The following ITGB5 variants were observed in gnomAD, a reference collection of about 807,000 sequenced individuals.
ITGB5 encodes integrin subunit beta 5, also known as integrin beta-5.
A neutral mutation model predicts 84.8 loss-of-function variants in ITGB5; 38 were observed. The ratio of observed to expected loss-of-function variants is 0.45; its 90% CI spans 0.35 to 0.59. ITGB5 has a LOEUF of 0.59. Ranked by LOEUF, ITGB5 falls within the 20% of genes least tolerant of loss-of-function variation. The pLI, the probability that ITGB5 is intolerant of heterozygous loss-of-function variation, is 0.01. For missense variants in ITGB5, 905 were observed against 1,034.5 expected (o/e 0.87, Z 1.72); for synonymous variants, 393 against 414.4 (o/e 0.95, Z 0.63).
At chr3:124,827,996 C>T (rs1473135798) in intron 5 of ITGB5, among the ~76,000 whole-genome samples, 3 of 152,160 alleles carry the variant, frequency 2.0e-5, no homozygotes, top group East Asian at 1.9e-4. Context: ...ACGCCCCCGC[C>T]GCCAGCTCCC....
intron 10 of ITGB5, among the ~76,000 whole-genome samples, chr3:124,782,463 C>G (rs1299584340): frequency 6.6e-6 from 1 of 152,206 alleles, no homozygotes; most frequent in Admixed American, 6.5e-5. Context: ...CATGGGAAGA[C>G]TATTTTAGTG....
intron 1 of ITGB5, among the ~76,000 whole-genome samples, chr3:124,898,643 C>CAAAAAAAAA (rs68025034): frequency 0.036 from 1,049 of 29,278 alleles, 252 homozygotes; most frequent in Middle Eastern, 0.21. Context: ...GACTCCGTCT[C>CAAAAAAAAA]AAAAAAAAAA....
chr3:124,776,683 C>G (rs563277183), intron 10 of ITGB5, among the ~76,000 whole-genome samples: 5 of 152,224 alleles, frequency 3.3e-5, no homozygotes, highest in African/African-American at 1.2e-4. Flanking sequence ...GTCCATCACA[C>G]GATCCCCACA....
intron 10 of ITGB5, among the ~76,000 whole-genome samples, chr3:124,795,955 A>G (rs1255267630): frequency 6.6e-6 from 1 of 152,232 alleles, no homozygotes; most frequent in Non-Finnish European, 1.5e-5. Context: ...TATTATTTTA[A>G]GCCAACAGGT....
chr3:124,876,443 C>G (rs886152118), intron 1 of ITGB5, among the ~76,000 whole-genome samples: 12 of 152,036 alleles, frequency 7.9e-5, no homozygotes, highest in Admixed American at 2.0e-4. Context: ...TTGTCACTAG[C>G]AGTAAAAACT....
intron 2 of ITGB5, among the ~76,000 whole-genome samples, chr3:124,872,124 T>C (rs1934085968): frequency 6.6e-6 from 1 of 152,188 alleles, no homozygotes; most frequent in Non-Finnish European, 1.5e-5. Context: ...GATGGTACAA[T>C]TAATCACAAA....
chr3:124,812,617 G>A (rs771996187), intron 8 of ITGB5, among the ~76,000 whole-genome samples: 1 of 152,200 alleles, frequency 6.6e-6, no homozygotes, highest in Non-Finnish European at 1.5e-5. Context: ...GAGCTCAGGA[G>A]GGGATTCTCT....
At chr3:124,848,760 C>T (rs746706850) in intron 3 of ITGB5, among the ~76,000 whole-genome samples, 12 of 148,596 alleles carry the variant, frequency 8.1e-5, no homozygotes, top group Non-Finnish European at 1.3e-4. Context: ...CCTAAACATT[C>T]GGCTTAGCAC....
intron 1 of ITGB5, among the ~76,000 whole-genome samples, chr3:124,878,451 G>A (rs1934424416): frequency 6.6e-6 from 1 of 152,206 alleles, no homozygotes; most frequent in Non-Finnish European, 1.5e-5. Flanking sequence ...TATTCACATG[G>A]AAAAGTAAAG....
chr3:124,767,050 C>A (rs2063777857), intron 12 of ITGB5, among the ~76,000 whole-genome samples: 1 of 152,206 alleles, frequency 6.6e-6, no homozygotes, highest in South Asian at 2.1e-4. Flanking sequence ...TGTCACAGTC[C>A]CCTGTCCAGG....
intron 9 of ITGB5, among the ~76,000 whole-genome samples, chr3:124,799,416 C>T (rs767617716): frequency 6.6e-5 from 10 of 152,172 alleles, no homozygotes; most frequent in South Asian, 4.2e-4. Flanking sequence ...AAAAATTAGC[C>T]GGGCATTTTG....
At chr3:124,827,793 C>T (rs770462238) in intron 5 of ITGB5, among the ~76,000 whole-genome samples, 1 of 152,154 alleles carries the variant, frequency 6.6e-6, no homozygotes, top group Non-Finnish European at 1.5e-5. Flanking sequence ...CATTCCACCA[C>T]AAAAGTGAAA....
intron 1 of ITGB5, among the ~76,000 whole-genome samples, chr3:124,886,516 G>C (rs1369064910): frequency 2.6e-5 from 4 of 152,108 alleles, no homozygotes; most frequent in Admixed American, 2.0e-4. Context: ...GCTTCTCCGG[G>C]AACAGGGCAC....
At chr3:124,807,335 G>C (rs552071171) in intron 9 of ITGB5, among the ~76,000 whole-genome samples, 1 of 152,214 alleles carries the variant, frequency 6.6e-6, no homozygotes, top group Non-Finnish European at 1.5e-5. Context: ...AGAATCGTTC[G>C]AACCTGGGAA....
intron 14 of ITGB5, among the ~76,000 whole-genome samples, chr3:124,764,080 C>A (rs1294113347): frequency 6.6e-6 from 1 of 152,156 alleles, no homozygotes; most frequent in African/African-American, 2.4e-5. Flanking sequence ...TTGTAATGGA[C>A]CATAAGAATC....
intron 8 of ITGB5, among the ~76,000 whole-genome samples, chr3:124,814,091 A>G (rs1325361377): frequency 6.6e-6 from 1 of 152,170 alleles, no homozygotes; most frequent in Non-Finnish European, 1.5e-5. Context: ...CCTTATCTAT[A>G]AAGGTTTTAG....
At chr3:124,894,360 C>G (rs113767976) in intron 1 of ITGB5, 1 of 152,230 alleles carries the variant, frequency 6.6e-6, no homozygotes, top group African/African-American at 2.4e-5. Flanking sequence ...GTCTCAATCT[C>G]CTGACCTTGC....
chr3:124,862,879 AG>A (rs2065325168), intron 2 of ITGB5: 2 of 152,322 alleles, frequency 1.3e-5, no homozygotes, highest in South Asian at 2.1e-4. Context: ...CCTGGTTGCC[AG>A]TGTGGAAACC....
rs1253960138 is a variant in ITGB5, at chr3:124,801,589, C to T, written c.1264-4772G>A. ...GCCGTGTCCTTGTCCACAGGCCAGA[C>T]CCTGAGATCCCTGATGACACCTGAA... On this transcript the variant is annotated intron_variant, in intron 9 of 14. Transcript: ENST00000296181. Among the ~76,000 whole-genome samples, 5 of 152,188 alleles carry T rather than the reference C, an allele frequency of 3.3e-5. No homozygotes were observed. In the East Asian group the frequency reaches 9.7e-4, roughly 29 times the overall value.
Sources: allele counts gnomAD v4.1 joint callset (sites outside exome capture counted in the v4.1 genomes callset), GRCh38; gene constraint gnomAD v4.1.1; transcripts MANE v1.5; gene names NCBI Gene and HGNC (gene_info 2026-07-23, HGNC 2026-07-21).